Variants in LINGO2 observed in about 807,000 individuals in gnomAD.
The protein encoded by LINGO2 is leucine rich repeat and Ig domain containing 2.
LINGO2 carries 14 observed loss-of-function variants against 30.6 expected under a neutral mutation model. That is an observed-to-expected ratio of 0.46 (90% CI 0.30 to 0.72). The LOEUF (loss-of-function observed/expected upper bound fraction) is 0.72, where lower values mean the gene tolerates loss of function less well. Among genes scored for constraint, LINGO2 ranks in the 30% least tolerant of loss-of-function variants. The pLI is 0.07. For missense variants in LINGO2, 729 were observed against 751.7 expected, an observed-to-expected ratio of 0.97 and a Z score of 0.35; for synonymous variants, 317 against 288.5, an observed-to-expected ratio of 1.10 and a Z score of -1.00.
At chr9:29,001,348 T>C in the LINGO2 span, among the ~76,000 whole-genome samples, 1 of 152,008 alleles carries the variant, frequency 6.6e-6, no homozygotes, top group Non-Finnish European at 1.5e-5. Context: ...TGGTAGTTTA[T>C]GTGACCAATG....
the LINGO2 span, among the ~76,000 whole-genome samples, chr9:29,196,614 G>A: frequency 4.6e-5 from 7 of 152,018 alleles, no homozygotes; most frequent in Admixed American, 1.3e-4. Flanking sequence ...GCACTCTTAA[G>A]TGTGATCAGA....
chr9:29,064,496 T>C, the LINGO2 span, among the ~76,000 whole-genome samples: 1 of 152,108 alleles, frequency 6.6e-6, no homozygotes, highest in Non-Finnish European at 1.5e-5. Context: ...AATTAAAATT[T>C]CAACTGTGAA....
At chr9:29,181,765 C>T in the LINGO2 span, among the ~76,000 whole-genome samples, 1 of 151,302 alleles carries the variant, frequency 6.6e-6, no homozygotes, top group Non-Finnish European at 1.5e-5. Flanking sequence ...ACGTACCACA[C>T]AGCCCAGACA....
At chr9:28,594,376 G>T (rs117235336) in intron 1 of LINGO2, among the ~76,000 whole-genome samples, 1 of 151,976 alleles carries the variant, frequency 6.6e-6, no homozygotes, top group Admixed American at 6.6e-5. Context: ...AATTATCAAC[G>T]TGGTTCATTG....
At chr9:27,966,862 G>T (rs953594625) in intron 5 of LINGO2, among the ~76,000 whole-genome samples, 1 of 152,074 alleles carries the variant, frequency 6.6e-6, no homozygotes, top group African/African-American at 2.4e-5. Context: ...GTGTGCCTAC[G>T]GAGAACAACT....
chr9:27,965,545 T>A (rs1820061535), intron 5 of LINGO2, among the ~76,000 whole-genome samples: 1 of 152,066 alleles, frequency 6.6e-6, no homozygotes, highest in South Asian at 2.1e-4. Context: ...GAATTCATCT[T>A]GTATTCCAGC....
In LINGO2 at chr9:27,987,541, GTTAGA is replaced by G. The variant is rs371367860; in HGVS notation, c.-36+24809_-36+24813del. Among the ~76,000 whole-genome samples, 54 of 151,998 alleles carry G rather than the reference GTTAGA, an allele frequency of 3.6e-4. No homozygotes were observed. The East Asian group carries it at 7.6e-3, about 21-fold the overall frequency. ...GCTAAGACAATAGCTCTAGATCACTGTTAGATTAAATAAACAAGATATTTGGTTTG... is the reference window on the plus strand; with the variant it reads ...GCTAAGACAATAGCTCTAGATCACTGTTAAATAAACAAGATATTTGGTTTG... On this transcript the variant is annotated intron_variant, in intron 5 of 5. Coordinates refer to ENST00000379992, the Ensembl canonical transcript of LINGO2.
chr9:29,031,061 G>T, the LINGO2 span, among the ~76,000 whole-genome samples: 1 of 151,996 alleles, frequency 6.6e-6, no homozygotes. Flanking sequence ...ATCATTTATT[G>T]ATTTATTGAA....
intron 1 of LINGO2, among the ~76,000 whole-genome samples, chr9:28,551,299 C>T (rs1486919112): frequency 6.6e-6 from 1 of 151,746 alleles, no homozygotes; most frequent in Admixed American, 6.6e-5. Flanking sequence ...ATTCACAGAA[C>T]TATAAATGGC....
At chr9:28,321,258 C>A (rs1270525667) in intron 3 of LINGO2, among the ~76,000 whole-genome samples, 1 of 152,124 alleles carries the variant, frequency 6.6e-6, no homozygotes, top group Non-Finnish European at 1.5e-5. Flanking sequence ...AAGCCAGAGA[C>A]CTGCTTCAGA....
At chr9:29,183,895 C>CTTTTTT in the LINGO2 span, among the ~76,000 whole-genome samples, 2 of 146,974 alleles carry the variant, frequency 1.4e-5, no homozygotes, top group Non-Finnish European at 1.5e-5. Context: ...CTACCTGTTT[C>CTTTTTT]TTTTTTTTTT....
At chr9:28,059,893 C>T (rs765639323) in intron 4 of LINGO2, among the ~76,000 whole-genome samples, 6 of 151,670 alleles carry the variant, frequency 4.0e-5, no homozygotes, top group Non-Finnish European at 5.9e-5. Flanking sequence ...AATAGAAGAA[C>T]GGGGTATGAG....
At chr9:28,661,827 A>G (rs1410526278) in intron 1 of LINGO2, among the ~76,000 whole-genome samples, 1 of 152,162 alleles carries the variant, frequency 6.6e-6, no homozygotes, top group East Asian at 1.9e-4. Flanking sequence ...TCCTTCTTTC[A>G]ATTTGTGGTG....
chr9:28,855,249 A>G, the LINGO2 span, among the ~76,000 whole-genome samples: 1 of 152,050 alleles, frequency 6.6e-6, no homozygotes, highest in Non-Finnish European at 1.5e-5. Flanking sequence ...TGCAAACAGC[A>G]GCAATGCAAA....
the LINGO2 span, among the ~76,000 whole-genome samples, chr9:28,714,661 T>C: frequency 1.3e-5 from 2 of 152,156 alleles, no homozygotes; most frequent in East Asian, 3.9e-4. Flanking sequence ...TGGGCTCTTC[T>C]CTATTACAAC....
chr9:28,608,684 AT>A (rs1825791792), intron 1 of LINGO2, among the ~76,000 whole-genome samples: 1 of 151,942 alleles, frequency 6.6e-6, no homozygotes, highest in South Asian at 2.1e-4. Context: ...ATGAAACATC[AT>A]TTGTTCTACA....
At chr9:27,937,660 T>C in the LINGO2 span, 1 of 152,102 alleles carries the variant, frequency 6.6e-6, no homozygotes, top group Non-Finnish European at 1.5e-5. Context: ...ACAGATGAAA[T>C]TCATAACCTT....
In LINGO2 at chr9:28,526,974, TA is replaced by T. The variant is rs532113844; in HGVS notation, c.-364-50950del. Reference sequence around the variant, plus strand: ...TAGTTTAAAGAATGAGCCATCTTTTTATGAATTAAATATTACATTATTATAT... The same window carrying T: ...TAGTTTAAAGAATGAGCCATCTTTTTTGAATTAAATATTACATTATTATAT... On this transcript the variant is annotated intron_variant, in intron 1 of 5. Coordinates refer to ENST00000379992, the Ensembl canonical transcript of LINGO2. Among the ~76,000 whole-genome samples, 637 of 152,356 alleles carry T rather than the reference TA, an allele frequency of 4.2e-3. 5 individuals are homozygous for T. Among genetic ancestry groups the T allele is most frequent in the Non-Finnish European group, 7.4e-3 (506 of 68,034 alleles).
intron 1 of LINGO2, among the ~76,000 whole-genome samples, chr9:28,565,935 C>A (rs991506609): frequency 6.6e-6 from 1 of 152,230 alleles, no homozygotes; most frequent in African/African-American, 2.4e-5. Context: ...TGGGGCTTTA[C>A]ACTCAATAGC....
Sources: gnomAD v4.1 joint callset for allele counts (sites outside exome capture counted in the v4.1 genomes callset) on GRCh38, gnomAD v4.1.1 for gene constraint, MANE v1.5 for transcripts, NCBI Gene and HGNC (gene_info 2026-07-23, HGNC 2026-07-21) for gene names.